Variants in CAPN2 observed in about 807,000 individuals in gnomAD.
The protein encoded by CAPN2 is calpain 2, also known as calpain-2 catalytic subunit.
CAPN2 carries 92 observed loss-of-function variants against 102.3 expected under a neutral mutation model. The observed-to-expected ratio is 0.90, with a 90% CI of 0.76 to 1.07. The LOEUF (loss-of-function observed/expected upper bound fraction) is 1.07. Among genes scored for constraint, CAPN2 ranks in the 50% least tolerant of loss-of-function variants. The pLI is 0.00. For synonymous variants in CAPN2, 340 were observed against 355.4 expected, an observed-to-expected ratio of 0.96 and a Z score of 0.49; for missense variants, 800 against 909.4, an observed-to-expected ratio of 0.88 and a Z score of 1.55.
At chr1:223,744,483 T>A (rs6682412) in intron 3 of CAPN2, among the ~76,000 whole-genome samples, 35,658 of 148,444 alleles carry the variant, frequency 0.24, 7,114 homozygotes, top group African/African-American at 0.55. Context: ...TTCCCAAGTT[T>A]AAAAAAAAAA....
At chr1:223,740,439 T>C (rs988357442) in intron 2 of CAPN2, among the ~76,000 whole-genome samples, 9 of 152,182 alleles carry the variant, frequency 5.9e-5, no homozygotes, top group African/African-American at 1.2e-4. Flanking sequence ...CCAGTTTCCA[T>C]TGGCTGGAAC....
chr1:223,712,341 C>G, upstream of CAPN2: 5 of 641,826 alleles, frequency 7.8e-6, no homozygotes, highest in Non-Finnish European at 9.8e-6. Flanking sequence ...GCCTCCCCGG[C>G]GCCGGGCCGC....
intron 1 of CAPN2, among the ~76,000 whole-genome samples, chr1:223,702,304 G>A (rs929425339): frequency 5.3e-5 from 8 of 152,072 alleles, no homozygotes; most frequent in African/African-American, 1.4e-4. Flanking sequence ...GTGCACACCT[G>A]TAATCCCAGC....
chr1:223,757,560 T>G (rs1255757328), intron 11 of CAPN2, 180 bp downstream of exon 11: 2 of 641,280 alleles, frequency 3.1e-6, no homozygotes, highest in Non-Finnish European at 5.5e-6. Context: ...TGGTCTAAGC[T>G]CTGGGCAAGG....
chr1:223,719,176 C>G (rs556385478), intron 2 of CAPN2, among the ~76,000 whole-genome samples: 1 of 152,162 alleles, frequency 6.6e-6, no homozygotes, highest in African/African-American at 2.4e-5. Context: ...GGCGGATCCT[C>G]CAGGAAAATC....
intron 1 of CAPN2, among the ~76,000 whole-genome samples, chr1:223,703,617 G>A (rs535354107): frequency 7.2e-5 from 11 of 152,250 alleles, no homozygotes; most frequent in Admixed American, 2.6e-4. Context: ...CTACCACACC[G>A]CCTTTCCTTC....
chr1:223,753,076 A>G, intron 9 of CAPN2, 120 bp downstream of exon 9: 1 of 833,068 alleles, frequency 1.2e-6, no homozygotes, highest in Non-Finnish European at 2.0e-6. Context: ...GCTCCTGCTC[A>G]CTGGAACCCT....
intron 2 of CAPN2, among the ~76,000 whole-genome samples, chr1:223,743,307 C>A (rs1269130334): frequency 6.6e-6 from 1 of 152,166 alleles, no homozygotes; most frequent in Non-Finnish European, 1.5e-5. Context: ...GACAGTCCAG[C>A]CTTCTGCCTC....
At chr1:223,764,041 C>A in intron 14 of CAPN2, 109 bp from the exon 15 acceptor site, 1 of 822,336 alleles carries the variant, frequency 1.2e-6, no homozygotes, top group Non-Finnish European at 2.1e-6. Flanking sequence ...GTTAGAAATG[C>A]ACATTCATAG....
intron 2 of CAPN2, among the ~76,000 whole-genome samples, chr1:223,741,991 C>T (rs1001540248): frequency 6.6e-6 from 1 of 152,196 alleles, no homozygotes; most frequent in African/African-American, 2.4e-5. Context: ...CTGTCATTAG[C>T]GTATATAGGC....
At chr1:223,751,074 G>A (rs1304647269) in intron 7 of CAPN2, 99 bp downstream of exon 7, 5 of 1,091,938 alleles carry the variant, frequency 4.6e-6, no homozygotes, top group Non-Finnish European at 6.8e-6. Flanking sequence ...ATTATTCTGA[G>A]AAATATAGCC....
At position 223,771,865 on chromosome 1, in the gene CAPN2, C is replaced by G. The variant is rs1481376290; in HGVS notation, c.1960C>G (p.Gln654Glu). Residue 654 changes from glutamine (Q) to glutamate (E), a missense_variant, in exon 19 of 21, where the codon CAG becomes GAG. Gln to Glu is a conservative substitution (Grantham distance 29). Transcript: ENST00000295006. Reference sequence around the variant, plus strand: ...CATCGTTGCTCGGTTTGCAGATGACCAGCTCATCATCGATTTTGATAATTT... The same window carrying G: ...CATCGTTGCTCGGTTTGCAGATGACGAGCTCATCATCGATTTTGATAATTT... Reference protein sequence around the residue: ...QVIVARFADDQLIIDFDNFVR... With the variant: ...QVIVARFADDELIIDFDNFVR... 1.2e-6 allele frequency: 2 copies of G among 1,614,102 alleles called. No individual in the cohort carries two copies. Among genetic ancestry groups the G allele is most frequent in the Admixed American group, 1.7e-5 (1 of 60,016 alleles).
Position 223,769,854 on chromosome 1 carries a change from G to A in CAPN2, c.1769G>A (p.Gly590Asp). The A allele has an allele frequency of 6.2e-7, 1 of 1,608,924 alleles. No individual in the cohort carries two copies. The highest frequency in any genetic ancestry group is 1.1e-5 in the South Asian group (1 of 89,624). ...MVDMLDSDGSGKLGLKEFYIL... is the reference protein window; with the variant it reads ...MVDMLDSDGSDKLGLKEFYIL... ...GACTGAAGGCAGTCGGACGGGAGTG[G>A]CAAGCTGGGGCTGAAGGAGTTCTAC... is the stretch of plus-strand genomic sequence containing the variant. The change falls in exon 17 of 21, where the codon GGC becomes GAC. Residue 590 changes from glycine to aspartate, a missense_variant. Coordinates refer to ENST00000295006, the MANE Select transcript of CAPN2 (RefSeq NM_001748.5).
chr1:223,741,237 G>A (rs1037359990), intron 2 of CAPN2, among the ~76,000 whole-genome samples: 1 of 151,776 alleles, frequency 6.6e-6, no homozygotes, highest in Admixed American at 6.6e-5. Flanking sequence ...TCCCAGCTTG[G>A]TTCAAAATAT....
chr1:223,751,484 G>A (rs1660896279), intron 7 of CAPN2, among the ~76,000 whole-genome samples: 1 of 152,194 alleles, frequency 6.6e-6, no homozygotes, highest in Admixed American at 6.5e-5. Context: ...GGAGAGGTGG[G>A]CAGTACAGAG....
At position 223,771,907 on chromosome 1, in the gene CAPN2, C is replaced by T. The variant is rs763329746; in HGVS notation, c.2002C>T (p.Arg668Trp). ...TGATAATTTTGTTCGGTGTTTGGTT[C>T]GGCTGGAAACGCTATTCAGTAAGTG... ...DFDNFVRCLV[R>W]LETLFKIFKQ... Residue 668 changes from arginine to tryptophan, a missense_variant, in exon 19 of 21, where the codon CGG becomes TGG. By Grantham distance (101) the Arg-to-Trp change is moderately radical (BLOSUM62 -3). Coordinates refer to ENST00000295006, the MANE Select transcript of CAPN2 (RefSeq NM_001748.5). 2.5e-5 allele frequency: 40 copies of T among 1,611,418 alleles called. No homozygotes were observed. Among genetic ancestry groups the T allele is most frequent in the Non-Finnish European group, 3.1e-5 (37 of 1,177,548 alleles).
rs202078174 is a variant in CAPN2 at position 223,764,176 on chromosome 1, G to A, written c.1659G>A (p.Leu553=). Residue 553 remains leucine, a synonymous_variant, in exon 15 of 21, where the codon CTG becomes CTA. Coordinates refer to ENST00000295006, the MANE Select transcript of CAPN2 (RefSeq NM_001748.5). ...ATGCGGAGATCTCTGCCTTTGAGCTGCAGACCATCCTGAGAAGGGTTCTAG... is the reference window on the plus strand; with the variant it reads ...ATGCGGAGATCTCTGCCTTTGAGCTACAGACCATCCTGAGAAGGGTTCTAG... ...GEDAEISAFE[L]QTILRRVLAK... 6 of 1,613,776 alleles carry A rather than the reference G, an allele frequency of 3.7e-6. No homozygotes were observed. The African/African-American group carries it at 5.3e-5, about 14-fold the overall frequency.
upstream of CAPN2, among the ~76,000 whole-genome samples, chr1:223,711,768 G>A (rs1208196056): frequency 6.6e-6 from 1 of 152,146 alleles, no homozygotes; most frequent in East Asian, 1.9e-4. Context: ...CTGCCACGAC[G>A]TATTTTTAGT....
At chr1:223,748,907 C>A in intron 5 of CAPN2, 132 bp from the exon 6 acceptor site, 1 of 778,814 alleles carries the variant, frequency 1.3e-6, no homozygotes, top group Admixed American at 2.0e-5. Context: ...AGCCCTGAGC[C>A]TCCCACCCCA....
Sources: allele counts gnomAD v4.1 joint callset (sites outside exome capture counted in the v4.1 genomes callset), GRCh38; gene constraint gnomAD v4.1.1; transcripts MANE v1.5; gene names NCBI Gene and HGNC (gene_info 2026-07-23, HGNC 2026-07-21).